P3H2: variants seen among roughly 807,000 people sequenced by gnomAD.
P3H2 encodes the protein prolyl 3-hydroxylase 2, also known as leprecan-like 1.
P3H2 carries 80 observed loss-of-function variants against 87.0 expected under a neutral mutation model. The observed-to-expected ratio is 0.92, with a 90% CI of 0.77 to 1.11. The LOEUF is 1.11. Among genes scored for constraint, P3H2 ranks in the 50% least tolerant of loss-of-function variants. The probability of loss-of-function intolerance (pLI) is 0.00; values close to 1 mark genes in which losing one functional copy is unlikely to be tolerated. For synonymous variants in P3H2, 367 were observed against 359.3 expected (o/e 1.02, Z -0.24); for missense variants, 1,001 against 923.9 (o/e 1.08, Z -1.08).
intron 1 of P3H2, among the ~76,000 whole-genome samples, chr3:190,017,743 C>T (rs1320106578): frequency 1.3e-5 from 2 of 152,146 alleles, no homozygotes; most frequent in African/African-American, 4.8e-5. Context: ...TGTGGATTCA[C>T]AAGAAAACCT....
At chr3:190,005,296 T>C (rs1026760773) in intron 1 of P3H2, among the ~76,000 whole-genome samples, 1 of 152,212 alleles carries the variant, frequency 6.6e-6, no homozygotes, top group Admixed American at 6.5e-5. Context: ...TGGGTTTATT[T>C]AGTGTTTCTC....
chr3:190,004,810 T>A (rs1724336720), intron 1 of P3H2, among the ~76,000 whole-genome samples: 1 of 152,140 alleles, frequency 6.6e-6, no homozygotes, highest in Admixed American at 6.5e-5. Context: ...GTTTTCATTA[T>A]AATAAAGGGG....
intron 1 of P3H2, among the ~76,000 whole-genome samples, chr3:190,066,194 T>C (rs925740771): frequency 6.7e-6 from 1 of 148,494 alleles, no homozygotes; most frequent in African/African-American, 2.6e-5. Flanking sequence ...TACACACATA[T>C]ATATATGATG....
chr3:190,081,765 A>T (rs1014740696), intron 1 of P3H2, among the ~76,000 whole-genome samples: 2 of 152,232 alleles, frequency 1.3e-5, no homozygotes, highest in African/African-American at 2.4e-5. Context: ...TTTAGAATAC[A>T]AACTAAGTTA....
At chr3:189,991,981 G>T (rs1723891435) in intron 3 of P3H2, among the ~76,000 whole-genome samples, 1 of 150,278 alleles carries the variant, frequency 6.7e-6, no homozygotes, top group Admixed American at 6.7e-5. Context: ...GCTATTAGGA[G>T]ATAACCTCTA....
intron 1 of P3H2, among the ~76,000 whole-genome samples, chr3:190,068,331 T>G (rs1363970402): frequency 6.6e-6 from 1 of 152,148 alleles, no homozygotes; most frequent in Admixed American, 6.6e-5. Flanking sequence ...AAATCTACCT[T>G]GTCCCATCCT....
chr3:189,973,513 T>TTTTTTTG (rs1723247261), intron 10 of P3H2, among the ~76,000 whole-genome samples: 1 of 17,626 alleles, frequency 5.7e-5, no homozygotes, highest in Non-Finnish European at 1.3e-4. Context: ...CTTTCTTTCT[T>TTTTTTTG]TTTTTTTTTT....
chr3:190,096,913 A>C (rs1727606190), intron 1 of P3H2, among the ~76,000 whole-genome samples: 1 of 152,222 alleles, frequency 6.6e-6, no homozygotes, highest in African/African-American at 2.4e-5. Flanking sequence ...AGAGCCTTGA[A>C]AGAGAAATTT....
chr3:190,105,169 C>A (rs1179526374), intron 1 of P3H2, among the ~76,000 whole-genome samples: 1 of 152,156 alleles, frequency 6.6e-6, no homozygotes, highest in African/African-American at 2.4e-5. Flanking sequence ...TAAATACAAC[C>A]TCTACATTAG....
intron 1 of P3H2, among the ~76,000 whole-genome samples, chr3:190,000,500 A>G (rs890346443): frequency 6.6e-6 from 1 of 152,266 alleles, no homozygotes; most frequent in Non-Finnish European, 1.5e-5. Context: ...TTCAGATTGT[A>G]TTAAGTGCTA....
At chr3:189,964,119 T>C in intron 13 of P3H2, 21 bp from the exon 14 acceptor site, 2 of 1,610,846 alleles carry the variant, frequency 1.2e-6, no homozygotes, top group Non-Finnish European at 1.7e-6. Context: ...AAGCAAAAAT[T>C]AGACTTTCAA....
intron 13 of P3H2, among the ~76,000 whole-genome samples, chr3:189,968,040 C>G (rs1405301500): frequency 1.3e-5 from 2 of 152,136 alleles, no homozygotes; most frequent in Non-Finnish European, 2.9e-5. Flanking sequence ...ATACATGTCC[C>G]AACTACTTAG....
chr3:190,090,673 A>C (rs1192847185), intron 1 of P3H2, among the ~76,000 whole-genome samples: 5 of 151,752 alleles, frequency 3.3e-5, no homozygotes, highest in Non-Finnish European at 5.9e-5. Flanking sequence ...ACTGCACTCC[A>C]GCCTGGGTGA....
At chr3:190,078,843 G>A (rs886560589) in intron 1 of P3H2, among the ~76,000 whole-genome samples, 5 of 152,142 alleles carry the variant, frequency 3.3e-5, no homozygotes, top group South Asian at 2.1e-4. Flanking sequence ...AAAGAAATCC[G>A]TGTGGATGCC....
chr3:189,990,013 G>A (rs1006539004), intron 3 of P3H2, among the ~76,000 whole-genome samples: 1 of 152,178 alleles, frequency 6.6e-6, no homozygotes, highest in Non-Finnish European at 1.5e-5. Flanking sequence ...TGAGAATGAT[G>A]ATAAAATCAT....
At chr3:189,963,764 CAA>C (rs1722887812) in intron 14 of P3H2, 192 bp downstream of exon 14, 1 of 653,580 alleles carries the variant, frequency 1.5e-6, no homozygotes, top group Admixed American at 2.4e-5. Flanking sequence ...TTAATAAGCT[CAA>C]GACAGATTAG....
chr3:190,121,699 TC>T (rs1353427202), upstream of P3H2: 2 of 152,246 alleles, frequency 1.3e-5, no homozygotes, highest in African/African-American at 4.8e-5. Flanking sequence ...TCTGGCTCCG[TC>T]CGTTTACCAG....
At chr3:190,026,903 A>G (rs1178832745) in intron 1 of P3H2, among the ~76,000 whole-genome samples, 1 of 152,218 alleles carries the variant, frequency 6.6e-6, no homozygotes, top group Non-Finnish European at 1.5e-5. Flanking sequence ...TCAAAACTCA[A>G]TGAATATTTG....
intron 1 of P3H2, among the ~76,000 whole-genome samples, chr3:190,024,989 CA>C (rs367759370): frequency 0.023 from 3,431 of 148,768 alleles, 123 homozygotes; most frequent in African/African-American, 0.079. Context: ...TATCAAAAGA[CA>C]AAAAAAAAGC....
Sources: gnomAD v4.1 joint callset for allele counts (sites outside exome capture counted in the v4.1 genomes callset) on GRCh38, gnomAD v4.1.1 for gene constraint, MANE v1.5 for transcripts, NCBI Gene and HGNC (gene_info 2026-07-23, HGNC 2026-07-21) for gene names.